Variants in RRM2 observed in about 807,000 individuals in gnomAD.
RRM2 encodes ribonucleotide reductase regulatory subunit M2.
A neutral mutation model predicts 45.9 loss-of-function variants in RRM2; 6 were observed. That is an observed-to-expected ratio of 0.13 (90% CI 0.07 to 0.26). The LOEUF (loss-of-function observed/expected upper bound fraction) is 0.26, where lower values mean the gene tolerates loss of function less well. Among genes scored for constraint, RRM2 ranks in the 10% least tolerant of loss-of-function variants. RRM2 has a pLI of 1.00. For synonymous variants in RRM2, 177 were observed against 173.0 expected, an observed-to-expected ratio of 1.02 and a Z score of -0.18; for missense variants, 343 against 489.5, an observed-to-expected ratio of 0.70 and a Z score of 2.82.
At chr2:10,126,999 T>C in intron 6 of RRM2, 30 bp downstream of exon 6, 1 of 1,611,286 alleles carries the variant, frequency 6.2e-7, no homozygotes, top group South Asian at 1.1e-5. Context: ...TACTTAAACC[T>C]GAGCTTCATT....
intron 3 of RRM2, among the ~76,000 whole-genome samples, chr2:10,162,090 A>G (rs1663573544): frequency 6.6e-6 from 1 of 152,156 alleles, no homozygotes; most frequent in South Asian, 2.1e-4. Flanking sequence ...CACAGCTCCC[A>G]TCCGCCGCTG....
At chr2:10,125,337 C>T (rs914289542) in intron 5 of RRM2, among the ~76,000 whole-genome samples, 1 of 152,274 alleles carries the variant, frequency 6.6e-6, no homozygotes, top group South Asian at 2.1e-4. Flanking sequence ...ATAAAGGTAG[C>T]TTAAGGTCTG....
At chr2:10,209,029 G>GTTTCTTTCTCTCTTTCTTTC (rs375658677) in intron 3 of RRM2, among the ~76,000 whole-genome samples, 1 of 135,948 alleles carries the variant, frequency 7.4e-6, no homozygotes, top group Non-Finnish European at 1.6e-5. Flanking sequence ...GCAGAAAGTG[G>GTTTCTTTCTCTCTTTCTTTC]TTTCTTTCTT....
At chr2:10,142,164 T>C in intron 2 of RRM2, 10 of 1,551,606 alleles carry the variant, frequency 6.4e-6, no homozygotes, top group Non-Finnish European at 8.8e-6. Flanking sequence ...CAGAGCAGAG[T>C]GAGGGGTGGG....
At chr2:10,147,026 C>T (rs925564627) in intron 3 of RRM2, among the ~76,000 whole-genome samples, 3 of 151,996 alleles carry the variant, frequency 2.0e-5, no homozygotes, top group African/African-American at 7.3e-5. Context: ...GATCTTGGCT[C>T]ACTGCAACCT....
chr2:10,148,304 T>A (rs1402714199), intron 3 of RRM2, among the ~76,000 whole-genome samples: 1 of 152,224 alleles, frequency 6.6e-6, no homozygotes, highest in East Asian at 1.9e-4. Flanking sequence ...ACAGGTAGAT[T>A]CATTGCTCAC....
intron 3 of RRM2, chr2:10,199,298 G>GA (rs1558405905): frequency 8.2e-6 from 1 of 121,956 alleles, no homozygotes; most frequent in African/African-American, 3.0e-5. Context: ...AGGGGGGGGG[G>GA]AAGGAAAAGA....
intron 3 of RRM2, among the ~76,000 whole-genome samples, chr2:10,168,117 T>C (rs757612721): frequency 2.0e-5 from 3 of 150,678 alleles, no homozygotes; most frequent in Non-Finnish European, 4.4e-5. Context: ...TGTTTCCCCT[T>C]AGTAGTTTTT....
At chr2:10,134,157 T>G (rs1572493271), downstream of RRM2, among the ~76,000 whole-genome samples, 2 of 108,124 alleles carry the variant, frequency 1.8e-5, no homozygotes, top group African/African-American at 4.0e-5. Flanking sequence ...GCGACAAGAG[T>G]GAAACTCCAT....
chr2:10,129,585 G>C lies in RRM2; in HGVS notation c.*199G>C, dbSNP rs1313101479. The C allele has an allele frequency of 1.2e-5, 7 of 600,868 alleles. No individual in the cohort carries two copies. The East Asian group carries it at 2.0e-4, about 17-fold the overall frequency. The allele number at this position is 600,868 out of a possible 1,614,324, so 37.2% of individuals were successfully genotyped here. ...AGTATCACCTTTTGCCAGAAGGCCT[G>C]GCTGGCTGTGACTTACCATAGCAGT... On this transcript the variant is annotated 3_prime_UTR_variant, in exon 10 of 10. Transcript: ENST00000304567. The surrounding 1 kb of genome is among the most constrained non-coding windows in gnomAD (Gnocchi z 4.8).
At chr2:10,141,589 T>C in exon 1 of RRM2, 1 of 483,796 alleles carries the variant, frequency 2.1e-6, no homozygotes, top group Non-Finnish European at 3.8e-6. Flanking sequence ...TGGTGTCTGG[T>C]CTTGGAGTCA....
chr2:10,170,612 C>T (rs934499432), intron 3 of RRM2, among the ~76,000 whole-genome samples: 2 of 152,082 alleles, frequency 1.3e-5, no homozygotes, highest in Non-Finnish European at 2.9e-5. Flanking sequence ...TCATTTGGGT[C>T]GGCAGTGGGG....
At chr2:10,143,040 A>AT (rs1218242199) in intron 3 of RRM2, among the ~76,000 whole-genome samples, 1 of 152,024 alleles carries the variant, frequency 6.6e-6, no homozygotes, top group Non-Finnish European at 1.5e-5. Flanking sequence ...CGCCTGGCTA[A>AT]TTTTTTGTAT....
chr2:10,209,029 G>GTTTTTCTTTCTTTCTTTCTTTC (rs1553330327), intron 3 of RRM2, among the ~76,000 whole-genome samples: 3 of 135,948 alleles, frequency 2.2e-5, no homozygotes, highest in Non-Finnish European at 4.7e-5. Flanking sequence ...GCAGAAAGTG[G>GTTTTTCTTTCTTTCTTTCTTTC]TTTCTTTCTT....
chr2:10,146,770 G>C (rs538253971), intron 3 of RRM2, among the ~76,000 whole-genome samples: 62 of 152,340 alleles, frequency 4.1e-4, no homozygotes, highest in Non-Finnish European at 7.2e-4. Flanking sequence ...CAAGGGCAGC[G>C]ACCCCCAGCC....
In RRM2 at chr2:10,172,848, C is replaced by T. The variant is rs961659980; in HGVS notation, n.482+30473C>T. Among the ~76,000 whole-genome samples, 3 of 152,246 alleles carry T rather than the reference C, an allele frequency of 2.0e-5. No individual in the cohort carries two copies. Among genetic ancestry groups the T allele is most frequent in the African/African-American group, 7.2e-5 (3 of 41,464 alleles). On this transcript the variant is annotated intron_variant and non_coding_transcript_variant, in intron 3 of 3. Coordinates refer to the RRM2 transcript ENST00000381786. The surrounding 1 kb of genome is among the most constrained non-coding windows in gnomAD (Gnocchi z 4.9). Reference sequence around the variant, plus strand: ...AAACCGAGCTCAGGGCCCATCTGAGCAGGGGCCCGGTGTGACCACACGGAT... The same window carrying T: ...AAACCGAGCTCAGGGCCCATCTGAGTAGGGGCCCGGTGTGACCACACGGAT...
At chr2:10,144,176 C>T (rs1663142800) in intron 3 of RRM2, among the ~76,000 whole-genome samples, 8 of 152,176 alleles carry the variant, frequency 5.3e-5, no homozygotes, top group Admixed American at 5.2e-4. Context: ...ACTGAATCCT[C>T]AGGGGACCCC....
intron 3 of RRM2, among the ~76,000 whole-genome samples, chr2:10,153,931 CT>C (rs1663370046): frequency 1.3e-5 from 2 of 152,138 alleles, no homozygotes; most frequent in Admixed American, 6.5e-5. Context: ...TCTGTTTGGG[CT>C]GATGGAAAAG....
exon 2 of RRM2, chr2:10,141,937 T>C: frequency 6.3e-7 from 1 of 1,577,614 alleles, no homozygotes; most frequent in South Asian, 1.2e-5. Flanking sequence ...TGGAGACCAA[T>C]CACCCACCCA....
Sources: allele counts gnomAD v4.1 joint callset (sites outside exome capture counted in the v4.1 genomes callset), GRCh38; gene constraint gnomAD v4.1.1; non-coding constraint Gnocchi (gnomAD v3.1); transcripts MANE v1.5; gene names NCBI Gene and HGNC (gene_info 2026-07-23, HGNC 2026-07-21).